Variants in ZFHX3 observed in about 807,000 individuals in gnomAD.
The protein encoded by ZFHX3 is zinc finger homeobox 3, also known as zinc finger homeobox protein 3.
In ZFHX3, 42 loss-of-function variants were observed where a neutral mutation model predicts 279.1. That is an observed-to-expected ratio of 0.15 (90% CI 0.12 to 0.19). The LOEUF (loss-of-function observed/expected upper bound fraction) is 0.19, where lower values mean the gene tolerates loss of function less well. ZFHX3 is among the 10% of genes least tolerant of loss of function. The probability of loss-of-function intolerance (pLI) is 1.00; values close to 1 mark genes in which losing one functional copy is unlikely to be tolerated. For missense variants in ZFHX3, 4,981 were observed against 4,754.0 expected (o/e 1.05, Z -1.40); for synonymous variants, 2,293 against 1,957.8 (o/e 1.17, Z -4.52).
At position 72,958,550 on chromosome 16, in the gene ZFHX3, G is replaced by A. The variant is rs2144443837; in HGVS notation, c.1596C>T (p.Asn532=). The A allele has an allele frequency of 6.2e-7, 1 of 1,614,156 alleles. No individual in the cohort carries two copies. Among genetic ancestry groups the A allele is most frequent in the Non-Finnish European group, 8.5e-7 (1 of 1,180,040 alleles). Residue 532 remains asparagine, a synonymous_variant, in exon 2 of 10, where the codon AAC becomes AAT. Transcript: ENST00000268489. The stretch of plus-strand genomic sequence containing the variant: ...GGAGCACGTTAGGCATTAAGGGGGA[G>A]TTAGAAATGCTTTGGTTTGAGAGAG... ...DLALSNQSIS[N]SPLMPNVLQT... is the part of the protein sequence containing the mutation.
At chr16:73,223,475 A>G (rs1050179092) in intron 5 of ZFHX3, among the ~76,000 whole-genome samples, 2 of 152,318 alleles carry the variant, frequency 1.3e-5, no homozygotes, top group African/African-American at 4.8e-5. Context: ...AAGATGCTCC[A>G]TGTCATATAT....
chr16:72,851,228 G>C (rs1253051113), intron 4 of ZFHX3, among the ~76,000 whole-genome samples: 11 of 152,124 alleles, frequency 7.2e-5, no homozygotes, highest in Non-Finnish European at 1.6e-4. Context: ...GGGACCAACA[G>C]ATACCAGGAA....
chr16:73,644,468 A>G (rs965114503), intron 2 of ZFHX3, among the ~76,000 whole-genome samples: 4 of 151,930 alleles, frequency 2.6e-5, no homozygotes, highest in African/African-American at 9.7e-5. Flanking sequence ...GAGACCAGCC[A>G]TGGTCAACAC....
intron 5 of ZFHX3, among the ~76,000 whole-genome samples, chr16:73,249,504 C>T (rs955101425): frequency 6.6e-6 from 1 of 152,072 alleles, no homozygotes; most frequent in African/African-American, 2.4e-5. Context: ...AGGGGAAACC[C>T]CTTATAAAGT....
At chr16:73,418,135 T>A (rs2017632220) in intron 3 of ZFHX3, among the ~76,000 whole-genome samples, 1 of 152,222 alleles carries the variant, frequency 6.6e-6, no homozygotes, top group African/African-American at 2.4e-5. Flanking sequence ...CAGAGGCCAC[T>A]GGGAACTCGC....
chr16:73,452,369 CT>C (rs2018292790), intron 3 of ZFHX3, among the ~76,000 whole-genome samples: 1 of 152,120 alleles, frequency 6.6e-6, no homozygotes, highest in African/African-American at 2.4e-5. Context: ...TCATCAACGT[CT>C]GTATATAAAA....
chr16:72,794,466 T>C lies in ZFHX3; in HGVS notation c.8216A>G (p.Lys2739Arg). The C allele has an allele frequency of 6.2e-7, 1 of 1,614,216 alleles. No homozygotes were observed. The highest frequency in any genetic ancestry group is 1.6e-4 in the Middle Eastern group (1 of 6,062). Residue 2739 changes from lysine to arginine, a missense_variant, in exon 9 of 10, where the codon AAG becomes AGG. Coordinates refer to ENST00000268489, the MANE Select transcript of ZFHX3 (RefSeq NM_006885.4). This position sits in a 1 kb window ranked among gnomAD's most constrained non-coding sequence, Gnocchi z 4.2. ...CAGAGTTAGGTTGTAGCCAGCTCTC[T>C]TGGCTTCATGCCAGTGACGGGACCG... ...HIRSRHWHEAKRAGYNLTLSA... is the reference protein window; with the variant it reads ...HIRSRHWHEARRAGYNLTLSA...
chr16:73,357,233 A>G (rs1482704551), intron 3 of ZFHX3, among the ~76,000 whole-genome samples: 5 of 152,006 alleles, frequency 3.3e-5, no homozygotes, highest in African/African-American at 1.2e-4. Context: ...ACAAAACCCC[A>G]GCAAGAATAT....
At chr16:73,592,810 G>A (rs537413417) in intron 2 of ZFHX3, among the ~76,000 whole-genome samples, 4 of 150,820 alleles carry the variant, frequency 2.7e-5, no homozygotes, top group Admixed American at 6.6e-5. Flanking sequence ...TGAAAAAAAC[G>A]CAGAGGAATA....
intron 3 of ZFHX3, among the ~76,000 whole-genome samples, chr16:72,935,856 C>A (rs1960094670): frequency 6.6e-6 from 1 of 152,060 alleles, no homozygotes; most frequent in East Asian, 1.9e-4. Context: ...ACAGATCCCA[C>A]CGGTAAGGAT....
chr16:73,149,520 T>C (rs1966890574), intron 5 of ZFHX3, among the ~76,000 whole-genome samples: 1 of 152,084 alleles, frequency 6.6e-6, no homozygotes, highest in Non-Finnish European at 1.5e-5. Context: ...TGAACCAAAG[T>C]CCATGCGCTA....
chr16:72,871,775 C>G, intron 4 of ZFHX3, among the ~76,000 whole-genome samples: 1 of 149,788 alleles, frequency 6.7e-6, no homozygotes, highest in Non-Finnish European at 1.5e-5. Context: ...CCAAGCCTGG[C>G]CAAAATTTTA....
intron 1 of ZFHX3, chr16:73,016,057 T>C (rs1015364631): frequency 5.9e-5 from 9 of 152,222 alleles, no homozygotes; most frequent in Admixed American, 5.2e-4. Flanking sequence ...ATGCAAAGAA[T>C]AGTCTTCTCT....
At position 73,838,432 on chromosome 16, in the gene ZFHX3, A is replaced by G. The variant is rs547336412; in HGVS notation, c.-1608+53219T>C. 2.0e-5 allele frequency among the ~76,000 whole-genome samples: 3 copies of G among 152,360 alleles called. No individual in the cohort carries two copies. In the South Asian group the frequency reaches 6.2e-4, roughly 32 times the overall value. On this transcript the variant is annotated intron_variant, in intron 1 of 17. Transcript: ENST00000641206. ...CTCCTCTTGCCAGCTCAAAAAATGCATATTGCCAATTTAATTTCTACATGG... is the reference window on the plus strand; with the variant it reads ...CTCCTCTTGCCAGCTCAAAAAATGCGTATTGCCAATTTAATTTCTACATGG...
At chr16:73,318,501 G>T (rs2015504583) in intron 3 of ZFHX3, among the ~76,000 whole-genome samples, 1 of 151,988 alleles carries the variant, frequency 6.6e-6, no homozygotes, top group Non-Finnish European at 1.5e-5. Flanking sequence ...ATTACTATTG[G>T]GTGACTGTTT....
At chr16:73,839,151 C>T (rs1961225106) in intron 1 of ZFHX3, among the ~76,000 whole-genome samples, 1 of 151,316 alleles carries the variant, frequency 6.6e-6, no homozygotes, top group Admixed American at 6.6e-5. Flanking sequence ...GTTAGGTTGG[C>T]TGGGCACACA....
intron 1 of ZFHX3, among the ~76,000 whole-genome samples, chr16:73,701,031 G>A (rs752362252): frequency 1.3e-5 from 2 of 152,008 alleles, no homozygotes; most frequent in Non-Finnish European, 2.9e-5. Context: ...ACAGAATAAC[G>A]AGTTTTATTC....
At chr16:73,622,388 C>G (rs1037482865) in intron 2 of ZFHX3, among the ~76,000 whole-genome samples, 4 of 152,108 alleles carry the variant, frequency 2.6e-5, no homozygotes, top group Non-Finnish European at 4.4e-5. Flanking sequence ...GAAACCCTGT[C>G]TTTACTAGAA....
chr16:72,979,475 C>T (rs1297949037), intron 1 of ZFHX3, among the ~76,000 whole-genome samples: 3 of 152,098 alleles, frequency 2.0e-5, no homozygotes, highest in Admixed American at 6.5e-5. Flanking sequence ...GGGCACAGTC[C>T]GAAATTAACA....
Sources: allele counts gnomAD v4.1 joint callset (sites outside exome capture counted in the v4.1 genomes callset), GRCh38; gene constraint gnomAD v4.1.1; non-coding constraint Gnocchi (gnomAD v3.1); transcripts MANE v1.5; gene names NCBI Gene and HGNC (gene_info 2026-07-23, HGNC 2026-07-21).